Variants in LRRFIP1 observed in about 807,000 individuals in gnomAD.
The protein encoded by LRRFIP1 is leucine-rich repeat flightless-interacting protein 1.
In LRRFIP1, 62 loss-of-function variants were observed where a neutral mutation model predicts 104.4. That is an observed-to-expected ratio of 0.59 (90% CI 0.48 to 0.73). The LOEUF is 0.73. Ranked by LOEUF, LRRFIP1 falls within the 30% of genes least tolerant of loss-of-function variation. LRRFIP1 has a pLI of 0.00. For missense variants in LRRFIP1, 796 were observed against 824.5 expected, an observed-to-expected ratio of 0.97 and a Z score of 0.42; for synonymous variants, 300 against 299.0, an observed-to-expected ratio of 1.00 and a Z score of -0.03.
intron 2 of LRRFIP1, among the ~76,000 whole-genome samples, chr2:237,710,228 G>A (rs1200435262): frequency 6.6e-6 from 1 of 151,922 alleles, no homozygotes; most frequent in Non-Finnish European, 1.5e-5. Context: ...CAGTGTCTCT[G>A]TAGAATGTGT....
At chr2:237,765,279 ACACAC>A (rs1347174385) in intron 19 of LRRFIP1, 1 of 100,274 alleles carries the variant, frequency 1.0e-5, no homozygotes, top group Non-Finnish European at 1.7e-5. Flanking sequence ...AAAAAAAAAA[ACACAC>A]ACACACACAA....
intron 19 of LRRFIP1, chr2:237,763,701 T>A: frequency 6.2e-7 from 1 of 1,614,142 alleles, no homozygotes; most frequent in Non-Finnish European, 8.5e-7. Flanking sequence ...GGTGATGATG[T>A]ACAAACAGCA....
intron 15 of LRRFIP1, among the ~76,000 whole-genome samples, chr2:237,754,769 G>A (rs551463100): frequency 2.0e-5 from 3 of 152,246 alleles, no homozygotes; most frequent in Non-Finnish European, 1.5e-5. Context: ...ATGTGGGAAC[G>A]GAGGAGTGGA....
intron 16 of LRRFIP1, 81 bp from the exon 17 acceptor site, chr2:237,757,375 C>G (rs1351242059): frequency 1.2e-6 from 1 of 860,952 alleles, no homozygotes; most frequent in African/African-American, 1.7e-5. Context: ...CTCACTGTCC[C>G]AGCTCTCAGG....
At chr2:237,754,198 GGGAA>G (rs1438920707) in intron 15 of LRRFIP1, among the ~76,000 whole-genome samples, 53 of 152,236 alleles carry the variant, frequency 3.5e-4, no homozygotes, top group African/African-American at 1.1e-3. Flanking sequence ...CAACACCATA[GGGAA>G]ATAGTTATGA....
chr2:237,758,854 AAAAG>A (rs1162178253), intron 18 of LRRFIP1, 33 bp downstream of exon 18: 1 of 1,513,702 alleles, frequency 6.6e-7, no homozygotes, highest in East Asian at 2.3e-5. Context: ...TATTTAAAAA[AAAAG>A]AAAAAAAATC....
Position 237,691,592 on chromosome 2 carries a change from G to T in LRRFIP1, c.97-16952G>T, listed in dbSNP as rs2092757248. ...CGGCCGGCAGGTGCAGCGGTGCTGG[G>T]GCCTAGGCTTCCGCGTCCAGGAAGC... On this transcript the variant is annotated intron_variant, in intron 1 of 23. Transcript: ENST00000308482. The surrounding 1 kb of genome is among the most constrained non-coding windows in gnomAD (Gnocchi z 5.4). Among the ~76,000 whole-genome samples, 3 of 152,230 alleles carry T rather than the reference G, an allele frequency of 2.0e-5. No homozygotes were observed. The highest frequency in any genetic ancestry group is 4.1e-4 in the South Asian group (2 of 4,832).
chr2:237,723,720 CA>C, intron 7 of LRRFIP1, 134 bp downstream of exon 7: 1 of 1,080,580 alleles, frequency 9.3e-7, no homozygotes, highest in Non-Finnish European at 1.4e-6. Context: ...GCCAGGAGGG[CA>C]GGCTTACCCT....
At chr2:237,742,071 A>G (rs948800040) in intron 11 of LRRFIP1, among the ~76,000 whole-genome samples, 2 of 152,180 alleles carry the variant, frequency 1.3e-5, no homozygotes, top group African/African-American at 4.8e-5. Context: ...AATGACACAA[A>G]TTTCTTTGTC....
chr2:237,699,564 C>T (rs1367651900), intron 1 of LRRFIP1, among the ~76,000 whole-genome samples: 3 of 152,254 alleles, frequency 2.0e-5, no homozygotes, highest in East Asian at 3.9e-4. Flanking sequence ...GTTGGTCAGA[C>T]TGGTCTTGAA....
Position 237,756,287 on chromosome 2 carries a change from A to G in LRRFIP1, c.1131+100A>G, listed in dbSNP as rs371223029. 4 of 787,444 alleles carry G rather than the reference A, an allele frequency of 5.1e-6. No individual in the cohort carries two copies. The African/African-American group carries it at 5.4e-5, about 11-fold the overall frequency. 48.8% of individuals were successfully genotyped at this position (787,444 alleles called of 1,614,324 possible). On this transcript the variant is annotated intron_variant, in intron 16 of 23. Transcript: ENST00000308482. ...TTAGGCTGCAGTAATAAAATACCAT[A>G]CACAGCATGGCTTAAACAACAGAAA...
chr2:237,726,594 C>A (rs112683905), intron 7 of LRRFIP1, among the ~76,000 whole-genome samples: 1 of 152,256 alleles, frequency 6.6e-6, no homozygotes, highest in Admixed American at 6.5e-5. Flanking sequence ...CACATTTTCA[C>A]GGCTGAGAAA....
chr2:237,712,950 A>C (rs2094170248), intron 2 of LRRFIP1, among the ~76,000 whole-genome samples: 1 of 152,074 alleles, frequency 6.6e-6, no homozygotes, highest in Non-Finnish European at 1.5e-5. Flanking sequence ...CCAGTGTTTA[A>C]AGGGTAGGGT....
intron 11 of LRRFIP1, among the ~76,000 whole-genome samples, chr2:237,741,690 T>C (rs1324239182): frequency 6.6e-6 from 1 of 151,906 alleles, no homozygotes; most frequent in Non-Finnish European, 1.5e-5. Context: ...TAGCCGGGTG[T>C]AGTGGCGCAT....
intron 1 of LRRFIP1, among the ~76,000 whole-genome samples, chr2:237,686,708 A>G (rs921130517): frequency 6.6e-6 from 1 of 152,248 alleles, no homozygotes; most frequent in Non-Finnish European, 1.5e-5. Context: ...GCTGGAGACA[A>G]GCTCACTGTT....
At chr2:237,778,550 T>C (rs751460229) in intron 23 of LRRFIP1, among the ~76,000 whole-genome samples, 2 of 152,222 alleles carry the variant, frequency 1.3e-5, no homozygotes, top group Non-Finnish European at 2.9e-5. Flanking sequence ...GGGACCACCT[T>C]CGCCATGCAG....
chr2:237,684,888 A>T (rs1575457233), intron 1 of LRRFIP1, among the ~76,000 whole-genome samples: 2 of 151,364 alleles, frequency 1.3e-5, no homozygotes, highest in East Asian at 3.9e-4. Flanking sequence ...GGAGTTCAAG[A>T]TCACCCTGGG....
chr2:237,643,137 G>A (rs977511918), intron 1 of LRRFIP1, among the ~76,000 whole-genome samples: 5 of 152,258 alleles, frequency 3.3e-5, no homozygotes, highest in Admixed American at 2.6e-4. Flanking sequence ...AGATGTTTCA[G>A]GCTAGTTTGT....
At chr2:237,774,798 GT>G (rs2060940388) in intron 23 of LRRFIP1, among the ~76,000 whole-genome samples, 1 of 152,228 alleles carries the variant, frequency 6.6e-6, no homozygotes, top group Non-Finnish European at 1.5e-5. Flanking sequence ...ATGAGCCCAG[GT>G]GGAGGACCAG....
Sources: allele counts gnomAD v4.1 joint callset (sites outside exome capture counted in the v4.1 genomes callset), GRCh38; gene constraint gnomAD v4.1.1; non-coding constraint Gnocchi (gnomAD v3.1); transcripts MANE v1.5; gene names NCBI Gene and HGNC (gene_info 2026-07-23, HGNC 2026-07-21).